Variants in USP18 observed in about 807,000 individuals in gnomAD.
The protein encoded by USP18 is ubiquitin specific peptidase 18.
A neutral mutation model predicts 48.7 loss-of-function variants in USP18; 11 were observed. That is an observed-to-expected ratio of 0.23 (90% CI 0.14 to 0.37). The LOEUF is 0.37. Among genes scored for constraint, USP18 ranks in the 10% least tolerant of loss-of-function variants. The probability of loss-of-function intolerance (pLI) is 1.00; values close to 1 mark genes in which losing one functional copy is unlikely to be tolerated. For missense variants in USP18, 285 were observed against 436.4 expected (o/e 0.65, Z 3.09); for synonymous variants, 114 against 163.2 (o/e 0.70, Z 2.30).
intron 7 of USP18, 148 bp downstream of exon 7, chr22:18,170,087 A>G: frequency 1.3e-6 from 1 of 744,352 alleles, no homozygotes; most frequent in Non-Finnish European, 2.3e-6. Flanking sequence ...TCAGTCCCTC[A>G]TCTATGCGGT....
Position 18,157,587 on chromosome 22 carries a change from G to C in USP18, c.-77G>C. ...TCCATCGTGCCTGGCTCACATAAGC[G>C]CTTCCTGGAAGTGAAGTCGTGCTGT... is the stretch of plus-strand genomic sequence containing the variant. On this transcript the variant is annotated 5_prime_UTR_variant, in exon 2 of 11. Coordinates refer to ENST00000215794, the MANE Select transcript of USP18 (RefSeq NM_017414.4). 1 of 1,580,686 alleles carries C rather than the reference G, an allele frequency of 6.3e-7. No individual in the cohort carries two copies. Among genetic ancestry groups the C allele is most frequent in the Non-Finnish European group, 8.6e-7 (1 of 1,160,162 alleles).
intron 8 of USP18, among the ~76,000 whole-genome samples, chr22:18,171,610 A>G (rs2543690): frequency 1.7e-3 from 259 of 152,174 alleles, no homozygotes; most frequent in Non-Finnish European, 2.5e-3. Flanking sequence ...CAGCCTGGGC[A>G]ACAGCGCAAG....
intron 1 of USP18, among the ~76,000 whole-genome samples, chr22:18,152,402 C>T: frequency 6.6e-6 from 1 of 150,536 alleles, no homozygotes; most frequent in Non-Finnish European, 1.5e-5. Flanking sequence ...TTCCGTTGCT[C>T]ACCTCTCCCC....
chr22:18,156,381 C>T (rs546695284), intron 1 of USP18, among the ~76,000 whole-genome samples: 2 of 152,206 alleles, frequency 1.3e-5, no homozygotes, highest in African/African-American at 2.4e-5. Context: ...TCCTTCCATG[C>T]TGTGGAAGCT....
intron 1 of USP18, among the ~76,000 whole-genome samples, chr22:18,156,765 G>A (rs1180912524): frequency 6.6e-6 from 1 of 152,198 alleles, no homozygotes; most frequent in Non-Finnish European, 1.5e-5. Context: ...ACATCAGAAG[G>A]AATAAACTGC....
At chr22:18,167,567 G>A (rs1213486622) in intron 5 of USP18, among the ~76,000 whole-genome samples, 2 of 151,976 alleles carry the variant, frequency 1.3e-5, no homozygotes, top group South Asian at 2.1e-4. Context: ...GCGTGGTGGC[G>A]GGAGCCTGTA....
chr22:18,173,287 A>T lies in USP18; in HGVS notation c.1023+6A>T. ...ATGACTCCAATATTTGCTTGGTAAGAAACATCATCCACAATTGCCTCCTGC... is the reference window on the plus strand; with the variant it reads ...ATGACTCCAATATTTGCTTGGTAAGTAACATCATCCACAATTGCCTCCTGC... On this transcript the variant is annotated splice_donor_region_variant and intron_variant, in intron 9 of 10. Coordinates refer to ENST00000215794, the MANE Select transcript of USP18 (RefSeq NM_017414.4). 6.4e-7 allele frequency: 1 copy of T among 1,565,426 alleles called. No homozygotes were observed. Among genetic ancestry groups the T allele is most frequent in the Non-Finnish European group, 8.6e-7 (1 of 1,157,002 alleles).
chr22:18,153,774 GC>G (rs1016139979), intron 1 of USP18, among the ~76,000 whole-genome samples: 2 of 152,042 alleles, frequency 1.3e-5, no homozygotes, highest in African/African-American at 4.8e-5. Flanking sequence ...TAGGAGATAA[GC>G]TTTTTGAGCT....
At chr22:18,167,123 A>G (rs1329664128) in intron 4 of USP18, 132 bp from the exon 5 acceptor site, 15 of 1,044,648 alleles carry the variant, frequency 1.4e-5, no homozygotes, top group Admixed American at 2.3e-5. Flanking sequence ...TGTCGTGCCA[A>G]CTTAGCCTTG....
intron 8 of USP18, among the ~76,000 whole-genome samples, chr22:18,172,698 A>G (rs1929664603): frequency 6.6e-6 from 1 of 151,402 alleles, no homozygotes; most frequent in Non-Finnish European, 1.5e-5. Context: ...GCAAATGGAA[A>G]TAGGGATAAT....
chr22:18,163,099 GCT>G (rs1929372443), intron 4 of USP18, among the ~76,000 whole-genome samples: 1 of 151,806 alleles, frequency 6.6e-6, no homozygotes, highest in South Asian at 2.1e-4. Flanking sequence ...GTATTCTTCA[GCT>G]CTGTTATTTC....
intron 8 of USP18, among the ~76,000 whole-genome samples, chr22:18,172,111 A>G (rs1380551380): frequency 6.6e-6 from 1 of 152,208 alleles, no homozygotes; most frequent in Admixed American, 6.5e-5. Flanking sequence ...AACAACAACA[A>G]AAAAGACTTT....
chr22:18,153,313 C>T (rs1929045857), intron 1 of USP18, among the ~76,000 whole-genome samples: 1 of 151,786 alleles, frequency 6.6e-6, no homozygotes, highest in African/African-American at 2.4e-5. Flanking sequence ...CCTGTAGTTC[C>T]AACTATTTGG....
chr22:18,155,628 G>A (rs921777383), intron 1 of USP18, among the ~76,000 whole-genome samples: 38 of 152,304 alleles, frequency 2.5e-4, no homozygotes, highest in African/African-American at 7.9e-4. Context: ...GCGGCCAGCC[G>A]GCCGGCCTGC....
chr22:18,173,863 A>G, intron 10 of USP18, 21 bp downstream of exon 10: 1 of 1,586,814 alleles, frequency 6.3e-7, no homozygotes, highest in Non-Finnish European at 8.6e-7. Flanking sequence ...GATTTGGGTA[A>G]TTGGAGTCTG....
intron 4 of USP18, among the ~76,000 whole-genome samples, chr22:18,166,631 G>T (rs1160780955): frequency 4.6e-5 from 7 of 151,968 alleles, no homozygotes; most frequent in African/African-American, 1.7e-4. Context: ...TTCTGTATTC[G>T]CCTTCATTGC....
At chr22:18,160,601 C>G (rs1929303963) in intron 3 of USP18, among the ~76,000 whole-genome samples, 1 of 152,052 alleles carries the variant, frequency 6.6e-6, no homozygotes, top group Non-Finnish European at 1.5e-5. Context: ...TGCACCTGGC[C>G]TGTATTATTT....
chr22:18,152,409 C>T (rs1272406802), intron 1 of USP18, among the ~76,000 whole-genome samples: 1 of 151,472 alleles, frequency 6.6e-6, no homozygotes, highest in Non-Finnish European at 1.5e-5. Context: ...GCTCACCTCT[C>T]CCCGAAGCTT....
At chr22:18,173,652 A>G in intron 9 of USP18, 141 bp from the exon 10 acceptor site, 1 of 1,249,476 alleles carries the variant, frequency 8.0e-7, no homozygotes, top group Non-Finnish European at 1.1e-6. Flanking sequence ...TGCACAAGAC[A>G]TCCTGCTGCT....
Sources: allele counts gnomAD v4.1 joint callset (sites outside exome capture counted in the v4.1 genomes callset), GRCh38; gene constraint gnomAD v4.1.1; transcripts MANE v1.5; gene names NCBI Gene and HGNC (gene_info 2026-07-23, HGNC 2026-07-21).